Variants in CARS2 observed in about 807,000 individuals in gnomAD.
The protein encoded by CARS2 is cysteinyl-tRNA synthetase 2, mitochondrial.
A neutral mutation model predicts 68.8 loss-of-function variants in CARS2; 52 were observed. That is an observed-to-expected ratio of 0.76 (90% CI 0.61 to 0.95). CARS2 has a LOEUF of 0.95. Ranked by LOEUF, CARS2 falls within the 40% of genes least tolerant of loss-of-function variation. CARS2 has a pLI of 0.00. For missense variants in CARS2, 780 were observed against 754.2 expected (o/e 1.03, Z -0.40); for synonymous variants, 314 against 303.6 (o/e 1.03, Z -0.36).
intron 10 of CARS2, among the ~76,000 whole-genome samples, chr13:110,648,165 C>T (rs1446366578): frequency 6.6e-6 from 1 of 152,158 alleles, no homozygotes; most frequent in Admixed American, 6.5e-5. Flanking sequence ...AACATTTTTC[C>T]TTTTTTTCTA....
chr13:110,669,369 C>A (rs1358507521), intron 7 of CARS2, among the ~76,000 whole-genome samples: 2 of 152,054 alleles, frequency 1.3e-5, no homozygotes, highest in South Asian at 2.1e-4. Flanking sequence ...CCCTCTACAC[C>A]CAGCCAGGAA....
In CARS2 at chr13:110,668,021, C is replaced by G. The variant is rs2062696166; in HGVS notation, c.786-548G>C. Reference sequence around the variant, plus strand: ...GGGGAAATGAGGCTGGGCCAGCCCACTCGAAGCTCTGTCCCTGGACCAGCT... The same window carrying G: ...GGGGAAATGAGGCTGGGCCAGCCCAGTCGAAGCTCTGTCCCTGGACCAGCT... On this transcript the variant is annotated intron_variant, in intron 7 of 14. Transcript: ENST00000257347. This position sits in a 1 kb window ranked among gnomAD's most constrained non-coding sequence, Gnocchi z 4.1. Among the ~76,000 whole-genome samples the G allele has an allele frequency of 6.6e-6, 1 of 152,232 alleles. No homozygotes were observed. The highest frequency in any genetic ancestry group is 2.4e-5 in the African/African-American group (1 of 41,470).
Position 110,641,535 on chromosome 13 carries a change from C to T in CARS2, c.*2G>A, listed in dbSNP as rs762866511. The T allele has an allele frequency of 1.2e-6, 2 of 1,611,866 alleles. No homozygotes were observed. On this transcript the variant is annotated 3_prime_UTR_variant, in exon 15 of 15. Coordinates refer to ENST00000257347, the MANE Select transcript of CARS2 (RefSeq NM_024537.4). ...GAGCAGGTTCATGGCTGTGCTCCATCCTCAGCCCGCTGATTTTTGGTCTTT... is the reference window on the plus strand; with the variant it reads ...GAGCAGGTTCATGGCTGTGCTCCATTCTCAGCCCGCTGATTTTTGGTCTTT...
chr13:110,650,713 G>C, intron 10 of CARS2: 1 of 309,612 alleles, frequency 3.2e-6, no homozygotes, highest in Non-Finnish European at 6.0e-6. Context: ...GGCCGTGCCA[G>C]GCTGGCCCCT....
intron 6 of CARS2, among the ~76,000 whole-genome samples, chr13:110,680,909 G>A (rs1241585550): frequency 2.0e-5 from 3 of 152,240 alleles, no homozygotes; most frequent in Admixed American, 1.3e-4. Flanking sequence ...TGCCCCCAGG[G>A]CAGGGCAGAG....
upstream of CARS2, among the ~76,000 whole-genome samples, chr13:110,710,491 T>C (rs1364672489): frequency 6.6e-6 from 1 of 152,234 alleles, no homozygotes; most frequent in African/African-American, 2.4e-5. Context: ...TAATTTTAAA[T>C]GTTTCTTTTT....
Position 110,677,068 on chromosome 13 carries a change from G to C in CARS2, c.691C>G (p.Leu231Val), listed in dbSNP as rs774297299. 6.2e-7 allele frequency: 1 copy of C among 1,610,546 alleles called. No homozygotes were observed. The highest frequency in any genetic ancestry group is 1.1e-5 in the South Asian group (1 of 90,864). The change falls in exon 7 of 15, where the codon CTG becomes GTG. Residue 231 changes from leucine to valine, a missense_variant. Leu to Val is a conservative substitution (Grantham distance 32). Transcript: ENST00000257347. Reference protein sequence around the residue: ...SDKRHASDFALWKAAKPQEVF... With the variant: ...SDKRHASDFAVWKAAKPQEVF... ...TCCTGGGGTTTGGCCGCCTTCCACA[G>C]GGCGAAGTCACTGGCATGACGCTTG...
At chr13:110,671,082 G>A (rs567633197) in intron 7 of CARS2, among the ~76,000 whole-genome samples, 24 of 152,208 alleles carry the variant, frequency 1.6e-4, no homozygotes, top group Non-Finnish European at 2.1e-4. Flanking sequence ...CCAAATCTGC[G>A]TCTGATTGGT....
At chr13:110,673,498 T>G (rs1287864682) in intron 7 of CARS2, among the ~76,000 whole-genome samples, 1 of 152,086 alleles carries the variant, frequency 6.6e-6, no homozygotes, top group Non-Finnish European at 1.5e-5. Flanking sequence ...AAAGGCCTTT[T>G]GACAAAATTC....
At position 110,705,933 on chromosome 13, in the gene CARS2, A is replaced by C; in HGVS notation, c.161T>G (p.Val54Gly). The change falls in exon 1 of 15, where the codon GTG becomes GGG. Residue 54 changes from valine to glycine, a missense_variant. Coordinates refer to ENST00000257347, the MANE Select transcript of CARS2 (RefSeq NM_024537.4). The surrounding 1 kb of genome is among the most constrained non-coding windows in gnomAD (Gnocchi z 4.0). ...CTTCCTCCCGGTGAGGCTGTTGTACACCTGCACACCCGTCTCCCGGCCCGT... is the reference window on the plus strand; with the variant it reads ...CTTCCTCCCGGTGAGGCTGTTGTACCCCTGCACACCCGTCTCCCGGCCCGT... ...QPTGRETGVQ[V>G]YNSLTGRKEP... is the part of the protein sequence containing the mutation. The C allele has an allele frequency of 6.4e-7, 1 of 1,569,442 alleles. No individual in the cohort carries two copies. Among genetic ancestry groups the C allele is most frequent in the Non-Finnish European group, 8.6e-7 (1 of 1,160,636 alleles).
Position 110,647,118 on chromosome 13 carries a change from T to C in CARS2, c.1176A>G (p.Glu392=), listed in dbSNP as rs1353988618. Residue 392 remains glutamate (E), a synonymous_variant, in exon 11 of 15, where the codon GAA becomes GAG. Coordinates refer to ENST00000257347, the MANE Select transcript of CARS2 (RefSeq NM_024537.4). The stretch of plus-strand genomic sequence containing the variant: ...CCTCTTACCTCTCCCACAGCATCGC[T>C]TCCCTGACGGAGCCGCAGGCCAGCT... ...KGQLACGSVR[E]AMLWERLSST... 2 of 1,597,218 alleles carry C rather than the reference T, an allele frequency of 1.3e-6. No homozygotes were observed. The highest frequency in any genetic ancestry group is 8.5e-7 in the Non-Finnish European group (1 of 1,172,158).
rs772850443 is a variant in CARS2 at position 110,642,533 on chromosome 13, A to T, written c.1417-12T>A. The T allele has an allele frequency of 1.2e-6, 2 of 1,608,992 alleles. No homozygotes were observed. The highest frequency in any genetic ancestry group is 1.7e-6 in the Non-Finnish European group (2 of 1,177,978). On this transcript the variant is annotated splice_polypyrimidine_tract_variant and intron_variant, in intron 13 of 14. Transcript: ENST00000257347. ...TCTCCTGAAACGTACTGAAGCCAGC[A>T]GGGCGCGGTTACGTCCCCCGGAGAC...
At chr13:110,664,200 C>T in intron 8 of CARS2, 1 of 985,320 alleles carries the variant, frequency 1.0e-6, no homozygotes. Context: ...CTTTTTCTGA[C>T]ACAACTTCAA....
At chr13:110,706,138 C>G, upstream of CARS2, 1 of 1,266,790 alleles carries the variant, frequency 7.9e-7, no homozygotes, top group Non-Finnish European at 9.9e-7. Flanking sequence ...GGAGCCACGC[C>G]GGGTACGCTG....
In CARS2 at chr13:110,701,702, C is replaced by T. The variant is rs2063793115; in HGVS notation, c.276-147G>A. On this transcript the variant is annotated intron_variant, in intron 2 of 14. Coordinates refer to ENST00000257347, the MANE Select transcript of CARS2 (RefSeq NM_024537.4). ...TCAGCGGAGCAGGTACAAGGAAACT[C>T]CCTCTCACTGATGGCACCAGGGCCT... The T allele has an allele frequency of 1.9e-5, 11 of 569,528 alleles. No individual in the cohort carries two copies. In the South Asian group the frequency reaches 2.5e-4, roughly 13 times the overall value. 35.3% of individuals were successfully genotyped at this position (569,528 alleles called of 1,614,324 possible).
chr13:110,645,866 T>G, intron 12 of CARS2, 101 bp downstream of exon 12: 2 of 1,428,814 alleles, frequency 1.4e-6, no homozygotes, highest in South Asian at 2.7e-5. Flanking sequence ...GGAGGCGAAA[T>G]CAGCAGAGAT....
intron 3 of CARS2, among the ~76,000 whole-genome samples, chr13:110,694,328 A>G (rs1229540142): frequency 6.7e-6 from 1 of 148,970 alleles, no homozygotes; most frequent in African/African-American, 2.5e-5. Context: ...GCCTGGCTTA[A>G]TGATTTTTCT....
chr13:110,648,630 G>A (rs3742201), intron 10 of CARS2: 23,326 of 152,208 alleles, frequency 0.15, 2,272 homozygotes, highest in Admixed American at 0.32. Flanking sequence ...CGACCTCGGC[G>A]GGGTGGGGCA....
intron 9 of CARS2, among the ~76,000 whole-genome samples, chr13:110,651,988 G>A (rs1254939405): frequency 3.9e-5 from 6 of 152,228 alleles, no homozygotes; most frequent in African/African-American, 1.2e-4. Flanking sequence ...GCGCTCCGAC[G>A]GGAGCCCGAG....
Sources: gnomAD v4.1 joint callset for allele counts (sites outside exome capture counted in the v4.1 genomes callset) on GRCh38, gnomAD v4.1.1 for gene constraint, Gnocchi (gnomAD v3.1) non-coding constraint, MANE v1.5 for transcripts, NCBI Gene and HGNC (gene_info 2026-07-23, HGNC 2026-07-21) for gene names.